The following DLGAP1 variants were observed in gnomAD, a reference collection of about 807,000 sequenced individuals.
DLGAP1 encodes disks large-associated protein 1.
In DLGAP1, 11 loss-of-function variants were observed where a neutral mutation model predicts 90.8. That is an observed-to-expected ratio of 0.12 (90% CI 0.08 to 0.20). The LOEUF is 0.20. Among genes scored for constraint, DLGAP1 ranks in the 10% least tolerant of loss-of-function variants. DLGAP1 has a pLI of 1.00. For synonymous variants in DLGAP1, 558 were observed against 540.7 expected (o/e 1.03, Z -0.44); for missense variants, 1,050 against 1,333.8 (o/e 0.79, Z 3.31).
chr18:4,148,337 A>C (rs2076620343), intron 2 of DLGAP1, among the ~76,000 whole-genome samples: 1 of 152,202 alleles, frequency 6.6e-6, no homozygotes, highest in African/African-American at 2.4e-5. Context: ...AACAACTTAG[A>C]GTGGCATGCT....
chr18:3,751,323 G>T (rs1399675221), intron 5 of DLGAP1, among the ~76,000 whole-genome samples: 1 of 151,894 alleles, frequency 6.6e-6, no homozygotes, highest in African/African-American at 2.4e-5. Context: ...TTGAGTCAGG[G>T]TCTCACTCTG....
chr18:3,594,893 C>G (rs867427051), intron 7 of DLGAP1, among the ~76,000 whole-genome samples: 76 of 152,300 alleles, frequency 5.0e-4, no homozygotes, highest in African/African-American at 1.4e-3. Flanking sequence ...TTCTCTCAGG[C>G]CAGAAGCACT....
chr18:3,533,020 G>A (rs968927017), intron 10 of DLGAP1, among the ~76,000 whole-genome samples: 2 of 152,026 alleles, frequency 1.3e-5, no homozygotes, highest in Admixed American at 6.6e-5. Context: ...GGCTAGGCAC[G>A]GTGGCTCATG....
intron 4 of DLGAP1, 136 bp from the exon 5 acceptor site, chr18:3,814,409 T>C: frequency 1.3e-6 from 1 of 792,942 alleles, no homozygotes; most frequent in South Asian, 2.0e-5. Context: ...TCGCCCAGAC[T>C]GGAGTGCAGT....
chr18:3,814,166 G>A lies in DLGAP1; in HGVS notation c.1065C>T (p.Asp355=). 6.2e-7 allele frequency: 1 copy of A among 1,613,996 alleles called. No homozygotes were observed. The highest frequency in any genetic ancestry group is 2.2e-5 in the East Asian group (1 of 44,854). The change falls in exon 5 of 13, where the codon GAC becomes GAT. Residue 355 remains aspartate, a synonymous_variant. Coordinates refer to ENST00000315677, the MANE Select transcript of DLGAP1 (RefSeq NM_004746.4). ...GSYIKAMGDE[D]SGDSDTSPKP... The stretch of plus-strand genomic sequence containing the variant: ...TAGGACTCGTGTCTGAGTCTCCACT[G>A]TCTTCATCCCCCATGGCCTTGATAT...
chr18:4,337,129 GAA>G (rs377398210), intron 1 of DLGAP1, among the ~76,000 whole-genome samples: 19 of 61,392 alleles, frequency 3.1e-4, no homozygotes, highest in African/African-American at 1.1e-3. Context: ...AAAGAAAAAA[GAA>G]AAAAAAAAAA....
rs1468687033 is a variant in DLGAP1, at chr18:3,535,973, T to G, written c.2058-1358A>C. On this transcript the variant is annotated intron_variant, in intron 9 of 12. Transcript: ENST00000315677. ...TCGCTTGAATCCAGGAAACGGAGGT[T>G]GTGGTGAACTGAGATCATGCCATTG... 2.6e-5 allele frequency among the ~76,000 whole-genome samples: 4 copies of G among 152,080 alleles called. No homozygotes were observed. In the East Asian group the frequency reaches 7.8e-4, roughly 30 times the overall value.
intron 4 of DLGAP1, among the ~76,000 whole-genome samples, chr18:3,847,105 G>T (rs913282558): frequency 1.3e-5 from 2 of 152,096 alleles, no homozygotes; most frequent in African/African-American, 4.8e-5. Context: ...TTATAAGGAA[G>T]CTAGGTCAGT....
intron 11 of DLGAP1, among the ~76,000 whole-genome samples, chr18:3,503,822 G>A (rs580857): frequency 0.21 from 32,542 of 152,236 alleles, 3,879 homozygotes; most frequent in Middle Eastern, 0.41. Context: ...AAGTCTGGGC[G>A]TGGTGGCTCA....
chr18:4,061,428 T>G (rs2075296802), intron 2 of DLGAP1, among the ~76,000 whole-genome samples: 1 of 152,156 alleles, frequency 6.6e-6, no homozygotes, highest in African/African-American at 2.4e-5. Flanking sequence ...TAAAGGGGTA[T>G]TATTCAGTTT....
chr18:4,002,214 A>G (rs921507114), intron 3 of DLGAP1, among the ~76,000 whole-genome samples: 1 of 152,132 alleles, frequency 6.6e-6, no homozygotes, highest in African/African-American at 2.4e-5. Context: ...TAGCAACGAA[A>G]CTTTTAAATT....
At chr18:3,548,796 G>A (rs1377757433) in intron 9 of DLGAP1, among the ~76,000 whole-genome samples, 1 of 152,194 alleles carries the variant, frequency 6.6e-6, no homozygotes, top group East Asian at 1.9e-4. Flanking sequence ...CAGCACTTTT[G>A]GAGGTGGAGA....
At chr18:4,024,264 A>C (rs2074663309) in intron 2 of DLGAP1, among the ~76,000 whole-genome samples, 1 of 152,206 alleles carries the variant, frequency 6.6e-6, no homozygotes, top group Admixed American at 6.5e-5. Flanking sequence ...AAAGATTCTC[A>C]GTATCAGGAC....
intron 7 of DLGAP1, among the ~76,000 whole-genome samples, chr18:3,651,377 C>T (rs1042623036): frequency 2.0e-5 from 3 of 152,138 alleles, no homozygotes; most frequent in African/African-American, 7.2e-5. Flanking sequence ...AACAAACAAA[C>T]AAACAAAAAG....
chr18:4,272,963 G>C (rs1477279072), intron 1 of DLGAP1, among the ~76,000 whole-genome samples: 1 of 152,140 alleles, frequency 6.6e-6, no homozygotes. Context: ...TGAACAGTAA[G>C]GATTGCTGGG....
chr18:3,776,201 TTCAGAAAGGGACTATAGATCC>T (rs1484820317), intron 5 of DLGAP1, among the ~76,000 whole-genome samples: 1 of 152,166 alleles, frequency 6.6e-6, no homozygotes, highest in Admixed American at 6.5e-5. Flanking sequence ...GAAAACAGCA[TTCAGAAAGGGACTATAGATCC>T]TCAGAAATCT....
At chr18:4,317,363 G>A (rs1361912283) in intron 1 of DLGAP1, among the ~76,000 whole-genome samples, 1 of 152,020 alleles carries the variant, frequency 6.6e-6, no homozygotes, top group South Asian at 2.1e-4. Context: ...TGTTTGCTAC[G>A]CTAGTACCAC....
At chr18:3,624,892 CA>C (rs1447379491) in intron 7 of DLGAP1, among the ~76,000 whole-genome samples, 4 of 152,096 alleles carry the variant, frequency 2.6e-5, no homozygotes, top group Admixed American at 6.5e-5. Context: ...AGGTAGTACT[CA>C]CTGAACGCTC....
chr18:4,200,210 TA>T (rs1335628693), intron 1 of DLGAP1, among the ~76,000 whole-genome samples: 1 of 152,104 alleles, frequency 6.6e-6, no homozygotes, highest in Non-Finnish European at 1.5e-5. Context: ...AAATTTTTAT[TA>T]GGATTTTAAC....
Sources: gnomAD v4.1 joint callset for allele counts (sites outside exome capture counted in the v4.1 genomes callset) on GRCh38, gnomAD v4.1.1 for gene constraint, MANE v1.5 for transcripts, NCBI Gene and HGNC (gene_info 2026-07-23, HGNC 2026-07-21) for gene names.